The following KPNA5 variants were observed in gnomAD, a reference collection of about 807,000 sequenced individuals.
The protein encoded by KPNA5 is importin subunit alpha-6.
Under a neutral mutation model 71.3 loss-of-function variants are expected in KPNA5, and 46 were observed. That is an observed-to-expected ratio of 0.65 (90% CI 0.51 to 0.83). The LOEUF is 0.83. Among genes scored for constraint, KPNA5 ranks in the 40% least tolerant of loss-of-function variants. The probability of loss-of-function intolerance (pLI) is 0.00; values close to 1 mark genes in which losing one functional copy is unlikely to be tolerated. For missense variants in KPNA5, 547 were observed against 628.3 expected (o/e 0.87, Z 1.38); for synonymous variants, 207 against 201.4 (o/e 1.03, Z -0.24).
intron 4 of KPNA5, among the ~76,000 whole-genome samples, chr6:116,694,897 A>G (rs1306421801): frequency 1.3e-5 from 2 of 152,248 alleles, no homozygotes; most frequent in South Asian, 4.1e-4. Flanking sequence ...TTATGCTCCC[A>G]TCTTCAGTTT....
chr6:116,724,365 T>C lies in KPNA5; in HGVS notation c.989T>C (p.Ile330Thr), dbSNP rs1779219795. ...GGTAATATTGTGACTGGTGATGATA[T>C]TCAAACACAGGTGAGTTCAAACTTG... ...AVGNIVTGDD[I>T]QTQVILNCSA... is the part of the protein sequence containing the mutation. Residue 330 changes from isoleucine to threonine, a missense_variant, in exon 10 of 14, where the codon ATT becomes ACT. Ile to Thr is a moderately conservative substitution (Grantham distance 89). Transcript: ENST00000368564. 2 of 1,608,680 alleles carry C rather than the reference T, an allele frequency of 1.2e-6. No individual in the cohort carries two copies. The highest frequency in any genetic ancestry group is 1.7e-6 in the Non-Finnish European group (2 of 1,175,374).
chr6:116,732,008 G>GGT (rs1779500461), intron 13 of KPNA5, 128 bp from the exon 14 acceptor site: 1 of 194,754 alleles, frequency 5.1e-6, no homozygotes, highest in Admixed American at 6.3e-5. Context: ...TTGCCAGTGA[G>GGT]GTGATAGATG....
intron 7 of KPNA5, among the ~76,000 whole-genome samples, chr6:116,712,782 A>T (rs1778749220): frequency 6.6e-6 from 1 of 151,644 alleles, no homozygotes; most frequent in Admixed American, 6.6e-5. Flanking sequence ...TTTGTTTTCC[A>T]CATGTCACTT....
intron 9 of KPNA5, among the ~76,000 whole-genome samples, chr6:116,722,626 C>T (rs1421572202): frequency 6.6e-6 from 1 of 152,108 alleles, no homozygotes; most frequent in Non-Finnish European, 1.5e-5. Context: ...ACAGTTTCTC[C>T]TCTCACAGAA....
chr6:116,721,764 C>G (rs1160143321), intron 8 of KPNA5, among the ~76,000 whole-genome samples: 1 of 152,094 alleles, frequency 6.6e-6, no homozygotes, highest in Non-Finnish European at 1.5e-5. Flanking sequence ...TACAGTGAGG[C>G]TCATTAAAGT....
chr6:116,681,911 C>T (rs1241566581), intron 1 of KPNA5, among the ~76,000 whole-genome samples: 1 of 151,940 alleles, frequency 6.6e-6, no homozygotes, highest in Non-Finnish European at 1.5e-5. Flanking sequence ...AGGTTTTCAT[C>T]GATAATACAT....
intron 11 of KPNA5, 145 bp downstream of exon 11, chr6:116,726,021 A>G (rs1453961621): frequency 1.2e-6 from 1 of 855,252 alleles, no homozygotes; most frequent in Non-Finnish European, 1.7e-6. Context: ...CTCCTCTAAA[A>G]TAATAACATT....
At chr6:116,703,878 A>G (rs569825927) in intron 6 of KPNA5, among the ~76,000 whole-genome samples, 1 of 152,356 alleles carries the variant, frequency 6.6e-6, no homozygotes, top group South Asian at 2.1e-4. Flanking sequence ...TTTCTTACCT[A>G]ATTGAAATTT....
chr6:116,700,547 A>T (rs1778193759), intron 5 of KPNA5, among the ~76,000 whole-genome samples: 1 of 152,142 alleles, frequency 6.6e-6, no homozygotes, highest in Non-Finnish European at 1.5e-5. Context: ...TAGAAATTCA[A>T]CAGTATGGTC....
chr6:116,693,095 A>G (rs1055502802), intron 4 of KPNA5, among the ~76,000 whole-genome samples: 12 of 152,282 alleles, frequency 7.9e-5, no homozygotes, highest in African/African-American at 2.6e-4. Flanking sequence ...ATAGTGTTCC[A>G]TGGTGTATAT....
chr6:116,714,666 G>T (rs891568394), intron 7 of KPNA5, among the ~76,000 whole-genome samples: 11 of 152,088 alleles, frequency 7.2e-5, no homozygotes, highest in Admixed American at 6.6e-4. Context: ...CATGTGTCTT[G>T]TTTGCCTCAA....
At chr6:116,702,176 A>G (rs1778256568) in intron 6 of KPNA5, 26 bp downstream of exon 6, 1 of 1,589,770 alleles carries the variant, frequency 6.3e-7, no homozygotes, top group East Asian at 2.2e-5. Context: ...GTATTGTTGT[A>G]TGTACTAGAA....
At chr6:116,685,652 G>GTTTA (rs1777551517) in intron 1 of KPNA5, among the ~76,000 whole-genome samples, 1 of 152,162 alleles carries the variant, frequency 6.6e-6, no homozygotes, top group Non-Finnish European at 1.5e-5. Flanking sequence ...ATTTCATGGT[G>GTTTA]TTTATGTACC....
chr6:116,699,650 C>T (rs945800240), intron 5 of KPNA5, among the ~76,000 whole-genome samples: 2 of 152,166 alleles, frequency 1.3e-5, no homozygotes, highest in African/African-American at 4.8e-5. Flanking sequence ...ATAAGGGTCT[C>T]TAAGAGGCTA....
At chr6:116,694,952 CT>C (rs1562432633) in intron 4 of KPNA5, among the ~76,000 whole-genome samples, 1 of 151,984 alleles carries the variant, frequency 6.6e-6, no homozygotes, top group Non-Finnish European at 1.5e-5. Flanking sequence ...TCACAATTCT[CT>C]TTTTCTTTTT....
At chr6:116,729,767 A>G (rs775600017) in intron 13 of KPNA5, 26 bp downstream of exon 13, 1 of 1,400,624 alleles carries the variant, frequency 7.1e-7, no homozygotes, top group Non-Finnish European at 9.5e-7. Flanking sequence ...AAAATTTGCA[A>G]TTATAGTCAG....
At chr6:116,731,606 A>T (rs1217421904) in intron 13 of KPNA5, among the ~76,000 whole-genome samples, 1 of 152,134 alleles carries the variant, frequency 6.6e-6, no homozygotes, top group African/African-American at 2.4e-5. Flanking sequence ...TTTCAATTGT[A>T]GATTGTAATT....
At chr6:116,727,871 T>C (rs1416700542) in intron 12 of KPNA5, among the ~76,000 whole-genome samples, 1 of 152,274 alleles carries the variant, frequency 6.6e-6, no homozygotes, top group East Asian at 1.9e-4. Context: ...ATCGTCTTGT[T>C]CGGAGGATCC....
Position 116,736,929 on chromosome 6 carries a change from CAT to C in KPNA5, c.*4608_*4609del, listed in dbSNP as rs1562461824. ...GTTTTATATCTTCCATTTTTTTTATCATACTCAAGCTTTCCTCTGCTGGCTTG... is the reference window on the plus strand; with the variant it reads ...GTTTTATATCTTCCATTTTTTTTATCACTCAAGCTTTCCTCTGCTGGCTTG... On this transcript the variant is annotated 3_prime_UTR_variant, in exon 14 of 14. Transcript: ENST00000368564. 1 of 151,684 alleles carries C rather than the reference CAT, an allele frequency of 6.6e-6. No homozygotes were observed. The allele number at this position is 151,684 out of a possible 1,614,324, so 9.4% of individuals were successfully genotyped here. A position where few individuals can be genotyped will look rare whatever the true frequency, so the allele number is the denominator to read the frequency against.
Sources: allele counts gnomAD v4.1 joint callset (sites outside exome capture counted in the v4.1 genomes callset), GRCh38; gene constraint gnomAD v4.1.1; transcripts MANE v1.5; gene names NCBI Gene and HGNC (gene_info 2026-07-23, HGNC 2026-07-21).